The following ANKRD17 variants were observed in gnomAD, a reference collection of about 807,000 sequenced individuals.
ANKRD17 encodes the protein ankyrin repeat domain 17, also known as ankyrin repeat domain-containing protein 17.
ANKRD17 carries 19 observed loss-of-function variants against 229.7 expected under a neutral mutation model. That is an observed-to-expected ratio of 0.08 (90% confidence interval 0.06 to 0.12). The LOEUF (loss-of-function observed/expected upper bound fraction) is 0.12. Ranked by LOEUF, ANKRD17 falls within the 10% of genes least tolerant of loss-of-function variation. The pLI is 1.00. For missense variants in ANKRD17, 2,176 were observed against 3,176.8 expected, an observed-to-expected ratio of 0.68 and a Z score of 7.57; for synonymous variants, 1,112 against 1,146.1, an observed-to-expected ratio of 0.97 and a Z score of 0.60.
At chr4:73,195,127 ATT>A (rs546063849) in intron 1 of ANKRD17, among the ~76,000 whole-genome samples, 1 of 151,888 alleles carries the variant, frequency 6.6e-6, no homozygotes, top group Non-Finnish European at 1.5e-5. Context: ...TGTGATTATA[ATT>A]TTTTTTCTTG....
intron 28 of ANKRD17, 92 bp downstream of exon 28, chr4:73,093,985 AAC>A (rs1723045693): frequency 7.4e-6 from 9 of 1,214,932 alleles, no homozygotes; most frequent in Non-Finnish European, 1.1e-5. Flanking sequence ...TATACTATGT[AAC>A]ACAAAGTTCC....
At chr4:73,131,984 A>G (rs1442469851) in intron 16 of ANKRD17, among the ~76,000 whole-genome samples, 1 of 152,276 alleles carries the variant, frequency 6.6e-6, no homozygotes, top group African/African-American at 2.4e-5. Context: ...AGTACCCACT[A>G]TGTAAGAGCC....
chr4:73,161,019 TA>T (rs985670784), intron 3 of ANKRD17, among the ~76,000 whole-genome samples, 172 bp downstream of exon 3: 2 of 152,212 alleles, frequency 1.3e-5, no homozygotes, highest in Non-Finnish European at 1.5e-5. Flanking sequence ...AAAATGGGAG[TA>T]AAAACAAAAT....
intron 29 of ANKRD17, among the ~76,000 whole-genome samples, chr4:73,087,919 C>T (rs1342159474): frequency 7.2e-6 from 1 of 139,698 alleles, no homozygotes; most frequent in Non-Finnish European, 1.5e-5. Context: ...TAAGACAAGA[C>T]AAGAGAGGGG....
In ANKRD17 at chr4:73,177,585, GAA is replaced by G. The variant is rs1037589841; in HGVS notation, c.394-54_394-53del. 15 of 1,371,374 alleles carry G rather than the reference GAA, an allele frequency of 1.1e-5. No homozygotes were observed. In the African/African-American group the frequency reaches 1.7e-4, roughly 16 times the overall value. 85.0% of individuals were successfully genotyped at this position (1,371,374 alleles called of 1,614,324 possible). A position where few individuals can be genotyped will look rare whatever the true frequency, so the allele number is the denominator to read the frequency against. On this transcript the variant is annotated intron_variant, in intron 1 of 33. Coordinates refer to ENST00000358602, the MANE Select transcript of ANKRD17 (RefSeq NM_032217.5). ...GGAAGGGAGAAATGAACAGCGAAAG[GAA>G]AAGAGGGGAGAGAAATAAAAAGAAA...
intron 1 of ANKRD17, 70 bp downstream of exon 1, chr4:73,258,206 C>A (rs1745651599): frequency 6.2e-7 from 1 of 1,603,562 alleles, no homozygotes; most frequent in East Asian, 2.2e-5. Context: ...CACTCCAAAT[C>A]CCCTCCCACC....
intron 26 of ANKRD17, among the ~76,000 whole-genome samples, chr4:73,097,840 C>T (rs1723491013): frequency 6.8e-6 from 1 of 146,026 alleles, no homozygotes; most frequent in Non-Finnish European, 1.5e-5. Flanking sequence ...TTTTCATGTG[C>T]TAAGTTTAAC....
At chr4:73,080,446 A>T (rs1266041169) in intron 30 of ANKRD17, among the ~76,000 whole-genome samples, 2 of 152,252 alleles carry the variant, frequency 1.3e-5, no homozygotes, top group Non-Finnish European at 2.9e-5. Flanking sequence ...TATTTTAGCT[A>T]AAGACCAAAT....
At chr4:73,132,103 C>G (rs1728281762) in intron 16 of ANKRD17, among the ~76,000 whole-genome samples, 1 of 151,038 alleles carries the variant, frequency 6.6e-6, no homozygotes, top group South Asian at 2.1e-4. Flanking sequence ...GATATAAAAA[C>G]TAGTTGTTTT....
chr4:73,100,179 T>C (rs1335464665), intron 25 of ANKRD17, among the ~76,000 whole-genome samples: 5 of 152,312 alleles, frequency 3.3e-5, no homozygotes, highest in African/African-American at 9.6e-5. Context: ...CAAATGTTCA[T>C]CCTCATTGCC....
rs1204767464 is a variant in ANKRD17 at position 73,204,274 on chromosome 4, T to A, written c.394-26741A>T. On this transcript the variant is annotated intron_variant, in intron 1 of 33. Transcript: ENST00000358602. ...TACTCAAGAGGCTGAGGCGGGAGAA[T>A]GGCGTGAACCCGAGAGGCGGAGCTT... Among the ~76,000 whole-genome samples, 8 of 140,920 alleles carry A rather than the reference T, an allele frequency of 5.7e-5. No individual in the cohort carries two copies. In the East Asian group the frequency reaches 1.7e-3, roughly 29 times the overall value. The allele number at this position is 140,920 out of a possible 152,430, so 92.4% of individuals were successfully genotyped here. A position where few individuals can be genotyped will look rare whatever the true frequency, so the allele number is the denominator to read the frequency against.
At chr4:73,227,106 C>T (rs1449226158) in intron 1 of ANKRD17, among the ~76,000 whole-genome samples, 1 of 152,024 alleles carries the variant, frequency 6.6e-6, no homozygotes, top group Admixed American at 6.6e-5. Context: ...GAAATTTATA[C>T]ATATTTGTCT....
chr4:73,138,916 CA>C (rs890790188), intron 15 of ANKRD17, among the ~76,000 whole-genome samples: 11 of 152,084 alleles, frequency 7.2e-5, no homozygotes, highest in African/African-American at 2.4e-4. Context: ...ATGATACTTT[CA>C]GGGGGGCCAC....
At chr4:73,214,960 C>G (rs1740812292) in intron 1 of ANKRD17, among the ~76,000 whole-genome samples, 1 of 151,622 alleles carries the variant, frequency 6.6e-6, no homozygotes, top group Middle Eastern at 3.4e-3. Context: ...CTATTACATA[C>G]CCAAAGTACG....
chr4:73,160,321 C>A (rs769005330), intron 3 of ANKRD17, among the ~76,000 whole-genome samples: 2 of 148,362 alleles, frequency 1.3e-5, no homozygotes, highest in Admixed American at 1.4e-4. Context: ...CAGGTTCAAG[C>A]GATTCTCCCG....
chr4:73,120,479 G>A (rs1485759968), intron 20 of ANKRD17, 142 bp from the exon 21 acceptor site: 1 of 710,742 alleles, frequency 1.4e-6, no homozygotes, highest in African/African-American at 1.8e-5. Flanking sequence ...ACCCTTATTA[G>A]CTCCTTTGAG....
In ANKRD17 at chr4:73,139,634, C is replaced by A. The variant is rs1396096395; in HGVS notation, c.2982G>T (p.Gln994His). ...IVGQPVLGQA[Q>H]LAGLGQGILT... ...GAATTCCTTGCCCCAGCCCTGCCAACTGTGCTTGGCCCAGTACTGGCTGTC... is the reference window on the plus strand; with the variant it reads ...GAATTCCTTGCCCCAGCCCTGCCAAATGTGCTTGGCCCAGTACTGGCTGTC... Residue 994 changes from glutamine to histidine, a missense_variant, in exon 15 of 34, where the codon CAG becomes CAT. This residue lies in a region of ANKRD17 where 230 missense variants were observed against 252.3 expected (regional missense o/e 0.91). Coordinates refer to ENST00000358602, the MANE Select transcript of ANKRD17 (RefSeq NM_032217.5). 2.5e-6 allele frequency: 4 copies of A among 1,614,180 alleles called. No homozygotes were observed. Among genetic ancestry groups the A allele is most frequent in the Non-Finnish European group, 2.5e-6 (3 of 1,180,012 alleles).
At chr4:73,256,019 C>T (rs545436732) in intron 1 of ANKRD17, among the ~76,000 whole-genome samples, 1 of 152,328 alleles carries the variant, frequency 6.6e-6, no homozygotes, top group African/African-American at 2.4e-5. Context: ...AGCTACCACG[C>T]CCGGCCAATG....
intron 1 of ANKRD17, among the ~76,000 whole-genome samples, chr4:73,184,705 CCATAAATA>C (rs1463558295): frequency 1.3e-5 from 2 of 151,986 alleles, no homozygotes; most frequent in Non-Finnish European, 2.9e-5. Context: ...TCAATACCTT[CCATAAATA>C]CACAATAAAG....
Sources: gnomAD v4.1 joint callset for allele counts (sites outside exome capture counted in the v4.1 genomes callset) on GRCh38, gnomAD v4.1.1 for gene constraint, gnomAD v4.1.1 regional missense constraint, MANE v1.5 for transcripts, NCBI Gene and HGNC (gene_info 2026-07-23, HGNC 2026-07-21) for gene names.